The following NPTXR variants were observed in gnomAD, a reference collection of about 807,000 sequenced individuals.
The protein encoded by NPTXR is neuronal pentraxin receptor.
A neutral mutation model predicts 32.2 loss-of-function variants in NPTXR; 12 were observed. That is an observed-to-expected ratio of 0.37 (90% confidence interval 0.24 to 0.60). The LOEUF (loss-of-function observed/expected upper bound fraction) is 0.60, where lower values mean the gene tolerates loss of function less well. NPTXR is among the 20% of genes least tolerant of loss of function. NPTXR has a pLI of 0.66. For synonymous variants in NPTXR, 323 were observed against 315.8 expected (o/e 1.02, Z -0.24); for missense variants, 612 against 682.9 (o/e 0.90, Z 1.16).
At chr22:38,836,854 G>A (rs2093124694) in intron 1 of NPTXR, among the ~76,000 whole-genome samples, 1 of 151,962 alleles carries the variant, frequency 6.6e-6, no homozygotes, top group Admixed American at 6.5e-5. Context: ...TTGCTCTGTC[G>A]CCCAGGCTGT....
intron 1 of NPTXR, among the ~76,000 whole-genome samples, chr22:38,836,964 G>A (rs186467481): frequency 5.3e-4 from 81 of 152,172 alleles, no homozygotes; most frequent in African/African-American, 1.8e-3. Flanking sequence ...ATAGGTGCCC[G>A]CCACCATGCC....
chr22:38,828,409 A>G lies in NPTXR; in HGVS notation c.728T>C (p.Leu243Pro). 6.2e-7 allele frequency: 1 copy of G among 1,612,844 alleles called. No individual in the cohort carries two copies. Among genetic ancestry groups the G allele is most frequent in the East Asian group, 2.2e-5 (1 of 44,886 alleles). ...CTTCTCCAGTGCCAGCACCTGGGCC[A>G]GCAGCTGCCCCTCCAGCTGGTCCAT... is the stretch of plus-strand genomic sequence containing the variant. The change falls in exon 2 of 5, where the codon CTG becomes CCG. Residue 243 changes from leucine to proline, a missense_variant. Transcript: ENST00000333039.
Position 38,828,357 on chromosome 22 carries a change from G to A in NPTXR, c.780C>T (p.Ser260=). 3.1e-6 allele frequency: 5 copies of A among 1,612,978 alleles called. No homozygotes were observed. Among genetic ancestry groups the A allele is most frequent in the Non-Finnish European group, 4.2e-6 (5 of 1,179,994 alleles). The change falls in exon 2 of 5, where the codon AGC becomes AGT. Residue 260 remains serine (S), a synonymous_variant. Coordinates refer to ENST00000333039, the MANE Select transcript of NPTXR (RefSeq NM_014293.4). ...TTTCCACTTCCTGCCTCTGCCGGCG[G>A]CTGCTGTGGCTGAGGGCCACACGCT...
chr22:38,826,847 A>G, intron 2 of NPTXR, 100 bp from the exon 3 acceptor site: 1 of 1,397,828 alleles, frequency 7.2e-7, no homozygotes, highest in Non-Finnish European at 9.8e-7. Flanking sequence ...GCTCCCAGGC[A>G]CCTGCTGCAT....
Position 38,843,061 on chromosome 22 carries a change from G to T in NPTXR, c.624+174C>A, listed in dbSNP as rs1021483684. On this transcript the variant is annotated intron_variant, in intron 1 of 4. Coordinates refer to ENST00000333039, the MANE Select transcript of NPTXR (RefSeq NM_014293.4). The surrounding 1 kb of genome is among the most constrained non-coding windows in gnomAD (Gnocchi z 5.3). ...GCGCCCTCTGTGCCTCAGTCACCGT[G>T]CCAGACGCCTGCCCGCGTTCCCTAT... is the stretch of plus-strand genomic sequence containing the variant. 6.6e-6 allele frequency among the ~76,000 whole-genome samples: 1 copy of T among 152,222 alleles called. No homozygotes were observed. The highest frequency in any genetic ancestry group is 2.4e-5 in the African/African-American group (1 of 41,456).
At position 38,822,666 on chromosome 22, in the gene NPTXR, G is replaced by C. The variant is rs374345709; in HGVS notation, c.1446C>G (p.Ala482=). 6.2e-7 allele frequency: 1 copy of C among 1,614,082 alleles called. No homozygotes were observed. Among genetic ancestry groups the C allele is most frequent in the East Asian group, 2.2e-5 (1 of 44,884 alleles). Residue 482 remains alanine, a synonymous_variant, in exon 5 of 5, where the codon GCC becomes GCG. Transcript: ENST00000333039. Reference sequence around the variant, plus strand: ...AGGCAGCCTTTGTTGCACCCCCAAAGGCCTCCACCAACTTGTCTTCCCAGG... The same window carrying C: ...AGGCAGCCTTTGTTGCACCCCCAAACGCCTCCACCAACTTGTCTTCCCAGG...
intron 2 of NPTXR, among the ~76,000 whole-genome samples, chr22:38,827,568 G>A (rs2093109296): frequency 6.6e-6 from 1 of 152,104 alleles, no homozygotes; most frequent in East Asian, 1.9e-4. Flanking sequence ...TGTTCCCCAT[G>A]TAAGCTGGTC....
intron 1 of NPTXR, among the ~76,000 whole-genome samples, chr22:38,836,036 TAAGAA>T (rs1010922519): frequency 6.6e-6 from 1 of 151,674 alleles, no homozygotes; most frequent in Non-Finnish European, 1.5e-5. Context: ...CCAATAAACA[TAAGAA>T]AAGGTGCTCA....
rs2093098259 is a variant in NPTXR at position 38,822,059 on chromosome 22, G to GT, written c.*549dup. 3 of 101,032 alleles carry GT rather than the reference G, an allele frequency of 3.0e-5. No homozygotes were observed. The highest frequency in any genetic ancestry group is 2.5e-4 in the Admixed American group (3 of 11,776). 6.3% of individuals were successfully genotyped at this position (101,032 alleles called of 1,614,324 possible). ...AAAGAGGAGGAAGAGGGAGGCATGG[G>GT]TGGGGGGGGGGGGAGGCTCCATCGA... On this transcript the variant is annotated 3_prime_UTR_variant, in exon 5 of 5. Transcript: ENST00000333039.
intron 1 of NPTXR, among the ~76,000 whole-genome samples, chr22:38,830,157 T>C (rs994331825): frequency 6.6e-6 from 1 of 151,604 alleles, no homozygotes; most frequent in Non-Finnish European, 1.5e-5. Flanking sequence ...TTTTGAGGAG[T>C]TGCAGGAACC....
chr22:38,833,450 G>A (rs1365849734), intron 1 of NPTXR, among the ~76,000 whole-genome samples: 1 of 152,180 alleles, frequency 6.6e-6, no homozygotes, highest in Non-Finnish European at 1.5e-5. Context: ...GTCCTGCTAG[G>A]GCTCACACCT....
intron 1 of NPTXR, among the ~76,000 whole-genome samples, chr22:38,839,470 C>T (rs932304222): frequency 2.0e-5 from 3 of 152,154 alleles, no homozygotes; most frequent in Non-Finnish European, 4.4e-5. Flanking sequence ...CAAGGTAAAA[C>T]CCCATCTCTA....
chr22:38,836,706 C>T (rs530931597), intron 1 of NPTXR, among the ~76,000 whole-genome samples: 12 of 152,212 alleles, frequency 7.9e-5, no homozygotes, highest in South Asian at 6.2e-4. Context: ...AAATTTTCAT[C>T]GAGCTGTCCA....
chr22:38,830,522 G>A (rs933012804), intron 1 of NPTXR, among the ~76,000 whole-genome samples: 1 of 152,194 alleles, frequency 6.6e-6, no homozygotes, highest in African/African-American at 2.4e-5. Flanking sequence ...CCAGGAGCAG[G>A]AGCAGAGCTG....
chr22:38,822,151 C>T lies in NPTXR; in HGVS notation c.*458G>A, dbSNP rs1328625942. 1.7e-5 allele frequency: 3 copies of T among 180,598 alleles called. No homozygotes were observed. Among genetic ancestry groups the T allele is most frequent in the Non-Finnish European group, 3.6e-5 (3 of 83,818 alleles). The allele number at this position is 180,598 out of a possible 1,614,324, so 11.2% of individuals were successfully genotyped here. On this transcript the variant is annotated 3_prime_UTR_variant, in exon 5 of 5. Coordinates refer to ENST00000333039, the MANE Select transcript of NPTXR (RefSeq NM_014293.4). ...GAGGGTAAGTCTAACCTCTGATGTC[C>T]TCGTCATCCCCTTCTACAGCCTGTT... is the stretch of plus-strand genomic sequence containing the variant.
chr22:38,820,723 A>G lies in NPTXR; in HGVS notation c.*1886T>C, dbSNP rs1206056103. 1 of 152,484 alleles carries G rather than the reference A, an allele frequency of 6.6e-6. No homozygotes were observed. 9.4% of individuals were successfully genotyped at this position (152,484 alleles called of 1,614,324 possible). The stretch of plus-strand genomic sequence containing the variant: ...TCAAAGGTCTTCAGGGGCAGGCAAC[A>G]TGGAGGGGGAAGAACACTGAAGAGG... On this transcript the variant is annotated 3_prime_UTR_variant, in exon 5 of 5. Transcript: ENST00000333039.
intron 3 of NPTXR, among the ~76,000 whole-genome samples, chr22:38,825,218 G>A (rs1200366753): frequency 3.9e-5 from 6 of 152,146 alleles, no homozygotes; most frequent in Non-Finnish European, 8.8e-5. Context: ...GGGAGGCCTG[G>A]GCATGAGGAA....
chr22:38,830,883 A>ACCC (rs139991107), intron 1 of NPTXR, among the ~76,000 whole-genome samples: 44 of 148,444 alleles, frequency 3.0e-4, no homozygotes, highest in Middle Eastern at 6.9e-3. Flanking sequence ...ACCATTATCC[A>ACCC]CCCCCCCCAC....
At chr22:38,826,375 A>C in intron 3 of NPTXR, 125 bp downstream of exon 3, 1 of 1,168,104 alleles carries the variant, frequency 8.6e-7, no homozygotes, top group Non-Finnish European at 1.2e-6. Flanking sequence ...CACGGTAGGT[A>C]CTTAATGTGT....
Sources: allele counts gnomAD v4.1 joint callset (sites outside exome capture counted in the v4.1 genomes callset), GRCh38; gene constraint gnomAD v4.1.1; non-coding constraint Gnocchi (gnomAD v3.1); transcripts MANE v1.5; gene names NCBI Gene and HGNC (gene_info 2026-07-23, HGNC 2026-07-21).